Variants in XYLT1 observed in about 807,000 individuals in gnomAD.
The protein encoded by XYLT1 is xylosyltransferase 1, also known as beta-D-xylosyltransferase 1.
A neutral mutation model predicts 91.3 loss-of-function variants in XYLT1; 36 were observed. The ratio of observed to expected loss-of-function variants is 0.39; its 90% CI spans 0.30 to 0.52. The LOEUF (loss-of-function observed/expected upper bound fraction) is 0.52, where lower values mean the gene tolerates loss of function less well. Ranked by LOEUF, XYLT1 falls within the 20% of genes least tolerant of loss-of-function variation. XYLT1 has a pLI of 0.68. For synonymous variants in XYLT1, 588 were observed against 532.0 expected (o/e 1.11, Z -1.45); for missense variants, 1,242 against 1,284.5 (o/e 0.97, Z 0.51).
rs73523048 is a variant in XYLT1 at position 17,342,825 on chromosome 16, C to T, written c.402+15187G>A. Among the ~76,000 whole-genome samples, 1,404 of 152,238 alleles carry T rather than the reference C, an allele frequency of 9.2e-3. 22 individuals are homozygous for T. Among genetic ancestry groups the T allele is most frequent in the African/African-American group, 0.032 (1,348 of 41,538 alleles). On this transcript the variant is annotated intron_variant, in intron 2 of 11. Coordinates refer to ENST00000261381, the MANE Select transcript of XYLT1 (RefSeq NM_022166.4). ...GCTGTTGTATCTCCAGCTCCTAAAA[C>T]AGTATCCAGAACGTAGTAGGCACTC...
In XYLT1 at chr16:17,376,827, C is replaced by CAAAAAAA. The variant is rs10684824; in HGVS notation, c.364-18784_364-18778dup. 1.0e-3 allele frequency among the ~76,000 whole-genome samples: 56 copies of CAAAAAAA among 55,666 alleles called. 2 individuals carry two copies. Among genetic ancestry groups the CAAAAAAA allele is most frequent in the African/African-American group, 3.5e-3 (44 of 12,404 alleles). The allele number at this position is 55,666 out of a possible 152,430, so 36.5% of individuals were successfully genotyped here. A position where few individuals can be genotyped will look rare whatever the true frequency, so the allele number is the denominator to read the frequency against. ...GAGCAACAAGAGCAAAACTCTGTCT[C>CAAAAAAA]AAAAAAAAAAAAAAAAAAAAAAAAA... On this transcript the variant is annotated intron_variant, in intron 1 of 11. Transcript: ENST00000261381.
intron 6 of XYLT1, among the ~76,000 whole-genome samples, chr16:17,144,591 T>C (rs1463526728): frequency 6.6e-6 from 1 of 152,058 alleles, no homozygotes; most frequent in Non-Finnish European, 1.5e-5. Context: ...GAAAACAGAC[T>C]CATCAGAGAT....
intron 1 of XYLT1, among the ~76,000 whole-genome samples, chr16:17,365,315 C>A (rs1372592016): frequency 6.6e-6 from 1 of 152,120 alleles, no homozygotes; most frequent in Non-Finnish European, 1.5e-5. Context: ...CTTCAGATGT[C>A]CCCATGGGAT....
At chr16:17,290,051 C>T (rs924949894) in intron 2 of XYLT1, among the ~76,000 whole-genome samples, 5 of 152,110 alleles carry the variant, frequency 3.3e-5, no homozygotes, top group Non-Finnish European at 7.4e-5. Context: ...TTCTTTTTGC[C>T]TCTTAGCTGT....
At chr16:17,325,464 A>G (rs779530695) in intron 2 of XYLT1, among the ~76,000 whole-genome samples, 1 of 152,216 alleles carries the variant, frequency 6.6e-6, no homozygotes, top group Non-Finnish European at 1.5e-5. Flanking sequence ...AATTGCCAAT[A>G]TTGACCCTTT....
At chr16:17,260,462 T>G (rs1296002290) in intron 2 of XYLT1, among the ~76,000 whole-genome samples, 4 of 152,130 alleles carry the variant, frequency 2.6e-5, no homozygotes, top group Non-Finnish European at 5.9e-5. Context: ...TGGCTCCATA[T>G]AGCTGCCCTT....
intron 2 of XYLT1, among the ~76,000 whole-genome samples, chr16:17,313,292 C>G (rs1188716909): frequency 1.3e-5 from 2 of 152,196 alleles, no homozygotes; most frequent in Non-Finnish European, 2.9e-5. Flanking sequence ...CCTCCGCCAA[C>G]CTCCAGGCCC....
At chr16:17,354,439 C>G (rs1369205306) in intron 2 of XYLT1, among the ~76,000 whole-genome samples, 1 of 152,144 alleles carries the variant, frequency 6.6e-6, no homozygotes, top group African/African-American at 2.4e-5. Flanking sequence ...GGCTGAGGAC[C>G]GTTGCAATTC....
rs369737932 is a variant in XYLT1 at position 17,127,864 on chromosome 16, G to A, written c.2028-3C>T. The A allele has an allele frequency of 4.3e-6, 7 of 1,612,276 alleles. No homozygotes were observed. The East Asian group carries it at 1.6e-4, about 36-fold the overall frequency. On this transcript the variant is annotated splice_polypyrimidine_tract_variant and splice_region_variant and intron_variant, in intron 9 of 11. Coordinates refer to ENST00000261381, the MANE Select transcript of XYLT1 (RefSeq NM_022166.4). The stretch of plus-strand genomic sequence containing the variant: ...CTGGGTGGCCCATTGGGTAGTATCT[G>A]AAAACACAGGCGCTCATGCATTAGG...
chr16:17,138,601 G>T, intron 7 of XYLT1, 70 bp from the exon 8 acceptor site: 1 of 1,559,718 alleles, frequency 6.4e-7, no homozygotes, highest in Non-Finnish European at 8.8e-7. Context: ...GGTGGGAAAT[G>T]GTGAACCCTT....
intron 2 of XYLT1, among the ~76,000 whole-genome samples, chr16:17,349,129 G>C (rs1364023688): frequency 6.6e-6 from 1 of 152,202 alleles, no homozygotes; most frequent in Non-Finnish European, 1.5e-5. Flanking sequence ...CTCACCGTCT[G>C]CAGGGCAAAC....
intron 3 of XYLT1, among the ~76,000 whole-genome samples, chr16:17,204,419 A>G (rs2032602116): frequency 6.6e-6 from 1 of 152,074 alleles, no homozygotes; most frequent in Non-Finnish European, 1.5e-5. Flanking sequence ...GGGGAGCTGC[A>G]AAGAGAATGG....
chr16:17,317,085 G>C (rs1339477160), intron 2 of XYLT1, among the ~76,000 whole-genome samples: 1 of 151,752 alleles, frequency 6.6e-6, no homozygotes, highest in African/African-American at 2.4e-5. Flanking sequence ...GCCTCCCAAA[G>C]TGCTGGGATT....
chr16:17,407,739 G>C (rs370888863), intron 1 of XYLT1, among the ~76,000 whole-genome samples: 11 of 152,222 alleles, frequency 7.2e-5, no homozygotes, highest in Admixed American at 7.2e-4. Flanking sequence ...CTGGCTATGT[G>C]CCCCTGAGCA....
chr16:17,144,855 G>A (rs2031090948), intron 6 of XYLT1, among the ~76,000 whole-genome samples: 1 of 152,218 alleles, frequency 6.6e-6, no homozygotes, highest in Admixed American at 6.5e-5. Context: ...ATGCAGACTG[G>A]AGGGGGATCA....
At chr16:17,141,818 C>T (rs189405226) in intron 6 of XYLT1, among the ~76,000 whole-genome samples, 7 of 152,302 alleles carry the variant, frequency 4.6e-5, no homozygotes, top group African/African-American at 7.2e-5. Context: ...TATGAAACAG[C>T]GAAAAATAAA....
At chr16:17,225,177 A>ACTCT (rs1555488928) in intron 3 of XYLT1, among the ~76,000 whole-genome samples, 3,930 of 147,342 alleles carry the variant, frequency 0.027, 64 homozygotes, top group African/African-American at 0.045. Flanking sequence ...ACACACACAC[A>ACTCT]CTCTCTCTCT....
rs1491067570 is a variant in XYLT1 at position 17,458,846 on chromosome 16, TTC to T, written c.363+11586_363+11587del. Among the ~76,000 whole-genome samples, 295 of 152,218 alleles carry T rather than the reference TTC, an allele frequency of 1.9e-3. 1 individual carries two copies. Among genetic ancestry groups the T allele is most frequent in the African/African-American group, 6.6e-3 (276 of 41,546 alleles). The stretch of plus-strand genomic sequence containing the variant: ...TGCCGTTTTGATTGGCTGGTTATAT[TTC>T]TGTATTTTCCATAATATACATTTAA... On this transcript the variant is annotated intron_variant, in intron 1 of 11. Coordinates refer to ENST00000261381, the MANE Select transcript of XYLT1 (RefSeq NM_022166.4).
At chr16:17,166,991 C>T (rs1261826793) in intron 5 of XYLT1, among the ~76,000 whole-genome samples, 1 of 152,204 alleles carries the variant, frequency 6.6e-6, no homozygotes, top group Admixed American at 6.5e-5. Context: ...CTTTGTTGCT[C>T]ACCAAGTGTT....
Sources: gnomAD v4.1 joint callset for allele counts (sites outside exome capture counted in the v4.1 genomes callset) on GRCh38, gnomAD v4.1.1 for gene constraint, MANE v1.5 for transcripts, NCBI Gene and HGNC (gene_info 2026-07-23, HGNC 2026-07-21) for gene names.